GP9: variants seen among roughly 807,000 people sequenced by gnomAD.
The protein encoded by GP9 is platelet glycoprotein IX.
For missense variants in GP9, 228 were observed against 241.8 expected (o/e 0.94, Z 0.38); for synonymous variants, 116 against 116.7 (o/e 0.99, Z 0.04).
chr3:129,061,224 T>C (rs1946571529), intron 1 of GP9, among the ~76,000 whole-genome samples: 1 of 152,180 alleles, frequency 6.6e-6, no homozygotes, highest in Admixed American at 6.5e-5. Flanking sequence ...GGGGTCCCAC[T>C]GAGTTCCCCT....
At chr3:129,057,117 G>C (rs1260765590), upstream of GP9, among the ~76,000 whole-genome samples, 1 of 152,228 alleles carries the variant, frequency 6.6e-6, no homozygotes, top group Non-Finnish European at 1.5e-5. Context: ...GCCAGGCAGA[G>C]GTGCTGGGGA....
At position 129,061,886 on chromosome 3, in the gene GP9, G is replaced by A. The variant is rs779808233; in HGVS notation, c.147G>A (p.Leu49=). The A allele has an allele frequency of 1.2e-6, 2 of 1,613,422 alleles. No homozygotes were observed. The highest frequency in any genetic ancestry group is 2.2e-5 in the East Asian group (1 of 44,862). ...ACGGACTCACGGCCCTGCCTGCCCT[G>A]CCGGCCCGCACCCGCCACCTTCTGC... is the stretch of plus-strand genomic sequence containing the variant. The part of the protein sequence containing the change: ...RGHGLTALPA[L]PARTRHLLLA... Residue 49 remains leucine, a synonymous_variant, in exon 3 of 3, where the codon CTG becomes CTA. Transcript: ENST00000307395.
In GP9 at chr3:129,062,301, G is replaced by A. The variant is rs1946589800; in HGVS notation, c.*28G>A. On this transcript the variant is annotated 3_prime_UTR_variant, in exon 3 of 3. Coordinates refer to ENST00000307395, the MANE Select transcript of GP9 (RefSeq NM_000174.5). ...CAGGCCCCCAGAACCCCTGGCTCCA[G>A]GCCAGGGGGCCAGTCCCTGAGGCAG... The A allele has an allele frequency of 3.4e-6, 5 of 1,467,130 alleles. No homozygotes were observed. In the East Asian group the frequency reaches 1.2e-4, roughly 36 times the overall value. 90.9% of individuals were successfully genotyped at this position (1,467,130 alleles called of 1,614,324 possible). A position where few individuals can be genotyped will look rare whatever the true frequency, so the allele number is the denominator to read the frequency against.
At chr3:129,055,719 A>G in the GP9 span, among the ~76,000 whole-genome samples, 4 of 149,946 alleles carry the variant, frequency 2.7e-5, no homozygotes, top group African/African-American at 5.0e-5. Flanking sequence ...ATCTCGGCTC[A>G]CTGCAACCTG....
At chr3:129,055,700 A>G in the GP9 span, among the ~76,000 whole-genome samples, 24 of 150,240 alleles carry the variant, frequency 1.6e-4, no homozygotes, top group Admixed American at 1.6e-3. Context: ...GCTGGAGTGC[A>G]ATGGTACAAT....
chr3:129,056,763 C>A (rs565969669), upstream of GP9, among the ~76,000 whole-genome samples: 7 of 152,224 alleles, frequency 4.6e-5, no homozygotes, highest in Non-Finnish European at 8.8e-5. Flanking sequence ...ATGCAGCATG[C>A]CAGGCAAAAT....
At chr3:129,061,707 T>C (rs1217503380) in intron 2 of GP9, 21 bp from the exon 3 acceptor site, 41 of 1,593,462 alleles carry the variant, frequency 2.6e-5, no homozygotes, top group Non-Finnish European at 3.3e-5. Flanking sequence ...AGGCCCTCCC[T>C]CACAGCCCCT....
At position 129,061,863 on chromosome 3, in the gene GP9, G is replaced by A. The variant is rs767444247; in HGVS notation, c.124G>A (p.Gly42Arg). ...MGLWVDCRGH[G>R]LTALPALPAR... ...GCTGTGGGTGGACTGCAGGGGCCAC[G>A]GACTCACGGCCCTGCCTGCCCTGCC... The change falls in exon 3 of 3, where the codon GGA becomes AGA. Residue 42 changes from glycine (G) to arginine (R), a missense_variant. By Grantham distance (125) the Gly-to-Arg change is moderately radical (BLOSUM62 -2). Transcript: ENST00000307395. The A allele has an allele frequency of 2.0e-5, 33 of 1,612,470 alleles. No homozygotes were observed. The Admixed American group carries it at 3.0e-4, about 15-fold the overall frequency.
chr3:129,055,766 TC>T, the GP9 span, among the ~76,000 whole-genome samples: 5 of 152,044 alleles, frequency 3.3e-5, no homozygotes, highest in East Asian at 9.7e-4. Context: ...TGCCTCAGTC[TC>T]CCGAGTAGCT....
At position 129,062,316 on chromosome 3, in the gene GP9, C is replaced by G; in HGVS notation, c.*43C>G. 7.1e-7 allele frequency: 1 copy of G among 1,413,482 alleles called. No individual in the cohort carries two copies. The highest frequency in any genetic ancestry group is 9.7e-7 in the Non-Finnish European group (1 of 1,035,060). 87.6% of individuals were successfully genotyped at this position (1,413,482 alleles called of 1,614,324 possible). On this transcript the variant is annotated 3_prime_UTR_variant, in exon 3 of 3. Coordinates refer to ENST00000307395, the MANE Select transcript of GP9 (RefSeq NM_000174.5). Reference sequence around the variant, plus strand: ...CCTGGCTCCAGGCCAGGGGGCCAGTCCCTGAGGCAGGTCCCCAGACTCCAC... The same window carrying G: ...CCTGGCTCCAGGCCAGGGGGCCAGTGCCTGAGGCAGGTCCCCAGACTCCAC...
rs753000146 is a variant in GP9, at chr3:129,061,725, C to G, written c.-12-3C>G. On this transcript the variant is annotated splice_polypyrimidine_tract_variant and splice_region_variant and intron_variant, in intron 2 of 2. Coordinates refer to ENST00000307395, the MANE Select transcript of GP9 (RefSeq NM_000174.5). Reference sequence around the variant, plus strand: ...CCCTCCCTCACAGCCCCTCTCTCTGCAGCCAGCCTGTCCCATGCCTGCCTG... The same window carrying G: ...CCCTCCCTCACAGCCCCTCTCTCTGGAGCCAGCCTGTCCCATGCCTGCCTG... 6.2e-7 allele frequency: 1 copy of G among 1,608,312 alleles called. No individual in the cohort carries two copies. The highest frequency in any genetic ancestry group is 1.1e-5 in the South Asian group (1 of 90,324).
upstream of GP9, among the ~76,000 whole-genome samples, chr3:129,057,968 G>GGATT (rs1946537063): frequency 6.6e-6 from 1 of 151,848 alleles, no homozygotes; most frequent in Non-Finnish European, 1.5e-5. Context: ...CAAGTAGCTG[G>GGATT]GATTACAGGC....
At chr3:129,055,817 G>C (rs1946514597), upstream of GP9, among the ~76,000 whole-genome samples, 1 of 152,020 alleles carries the variant, frequency 6.6e-6, no homozygotes. Flanking sequence ...GCTAAATTTT[G>C]TATTTTTAGT....
At chr3:129,055,627 C>T in the GP9 span, among the ~76,000 whole-genome samples, 3 of 151,638 alleles carry the variant, frequency 2.0e-5, no homozygotes, top group Non-Finnish European at 4.4e-5. Context: ...TGAGGGCCCC[C>T]TTTCTTTTCT....
At chr3:129,058,772 C>T (rs888887202), upstream of GP9, among the ~76,000 whole-genome samples, 1 of 152,252 alleles carries the variant, frequency 6.6e-6, no homozygotes, top group Non-Finnish European at 1.5e-5. Flanking sequence ...GTGGGGTAGC[C>T]CTGCTCCCAG....
chr3:129,056,041 T>G (rs548101904), upstream of GP9, among the ~76,000 whole-genome samples: 1 of 152,342 alleles, frequency 6.6e-6, no homozygotes, highest in Admixed American at 6.5e-5. Context: ...GCAAAGCACC[T>G]GTCAGGCTTA....
Position 129,062,087 on chromosome 3 carries a change from C to A in GP9, c.348C>A (p.Pro116=). ...TGCTGCAGGTCCGCTGTGCCAGCCC[C>A]AGCCTCGCTGCCCATGGCCCGCTGG... The part of the protein sequence containing the change: ...EALLQVRCAS[P]SLAAHGPLGR... Residue 116 remains proline (P), a synonymous_variant, in exon 3 of 3, where the codon CCC becomes CCA. Coordinates refer to ENST00000307395, the MANE Select transcript of GP9 (RefSeq NM_000174.5). 6.2e-7 allele frequency: 1 copy of A among 1,608,658 alleles called. No homozygotes were observed. Among genetic ancestry groups the A allele is most frequent in the Non-Finnish European group, 8.5e-7 (1 of 1,178,268 alleles).
At chr3:129,058,001 T>C (rs1466248728), upstream of GP9, among the ~76,000 whole-genome samples, 3 of 151,746 alleles carry the variant, frequency 2.0e-5, no homozygotes, top group Non-Finnish European at 4.4e-5. Context: ...GCCCAGCTAA[T>C]TTTGTATTTT....
intron 2 of GP9, 54 bp from the exon 3 acceptor site, chr3:129,061,674 C>T (rs1946576152): frequency 3.6e-6 from 5 of 1,377,134 alleles, no homozygotes; most frequent in Admixed American, 1.9e-5. Context: ...GCTTGCCGTC[C>T]CTGAGGATCG....
Sources: allele counts gnomAD v4.1 joint callset (sites outside exome capture counted in the v4.1 genomes callset), GRCh38; gene constraint gnomAD v4.1.1; transcripts MANE v1.5; gene names NCBI Gene and HGNC (gene_info 2026-07-23, HGNC 2026-07-21).